Variants in CNTNAP2 observed in about 807,000 individuals in gnomAD.
The protein encoded by CNTNAP2 is contactin-associated protein-like 2.
Under a neutral mutation model 155.2 loss-of-function variants are expected in CNTNAP2, and 98 were observed. That is an observed-to-expected ratio of 0.63 (90% CI 0.54 to 0.75). CNTNAP2 has a LOEUF of 0.75. Ranked by LOEUF, CNTNAP2 falls within the 30% of genes least tolerant of loss-of-function variation. The pLI, the probability that CNTNAP2 is intolerant of heterozygous loss-of-function variation, is 0.00. For missense variants in CNTNAP2, 1,727 were observed against 1,688.1 expected, an observed-to-expected ratio of 1.02 and a Z score of -0.40; for synonymous variants, 651 against 631.2, an observed-to-expected ratio of 1.03 and a Z score of -0.47.
chr7:147,503,278 T>G (rs1798851391), intron 11 of CNTNAP2, among the ~76,000 whole-genome samples: 1 of 152,162 alleles, frequency 6.6e-6, no homozygotes, highest in Non-Finnish European at 1.5e-5. Flanking sequence ...CCCTGGGTGT[T>G]TCTGTCTCTG....
chr7:146,774,845 C>A (rs1027605090), intron 2 of CNTNAP2, among the ~76,000 whole-genome samples: 3 of 152,106 alleles, frequency 2.0e-5, no homozygotes, highest in African/African-American at 7.2e-5. Flanking sequence ...CAGAATGTAG[C>A]TCTATTATAA....
At chr7:146,939,503 G>A (rs1008205004) in intron 3 of CNTNAP2, among the ~76,000 whole-genome samples, 1 of 152,064 alleles carries the variant, frequency 6.6e-6, no homozygotes, top group African/African-American at 2.4e-5. Flanking sequence ...AAAATAAATG[G>A]TTTGAAATAA....
intron 1 of CNTNAP2, among the ~76,000 whole-genome samples, chr7:146,165,237 G>A (rs558856570): frequency 5.2e-4 from 79 of 152,034 alleles, no homozygotes; most frequent in African/African-American, 1.9e-3. Context: ...CAGAAGGCAC[G>A]CTTTTAAAAT....
intron 6 of CNTNAP2, among the ~76,000 whole-genome samples, chr7:147,128,204 A>G (rs1801279137): frequency 6.6e-6 from 1 of 152,186 alleles, no homozygotes; most frequent in Non-Finnish European, 1.5e-5. Context: ...ATTTTTGACA[A>G]TAATGGTCAT....
rs71183016 is a variant in CNTNAP2 at position 147,560,168 on chromosome 7, C to CAAAAAAAAA, written c.1778-1955_1778-1947dup. On this transcript the variant is annotated intron_variant, in intron 11 of 23. Transcript: ENST00000361727. ...GGGCAACAAGAACGAAACTCCGTCT[C>CAAAAAAAAA]AAAAAAAAAAAAAAAAAAAAAAATT... is the stretch of plus-strand genomic sequence containing the variant. Among the ~76,000 whole-genome samples, 212 of 52,798 alleles carry CAAAAAAAAA rather than the reference C, an allele frequency of 4.0e-3. 12 individuals carry two copies. The highest frequency in any genetic ancestry group is 0.013 in the African/African-American group (190 of 14,286). The allele number at this position is 52,798 out of a possible 152,430, so 34.6% of individuals were successfully genotyped here. A position where few individuals can be genotyped will look rare whatever the true frequency, so the allele number is the denominator to read the frequency against.
chr7:147,983,441 A>T (rs915826137), intron 15 of CNTNAP2, among the ~76,000 whole-genome samples: 5 of 134,886 alleles, frequency 3.7e-5, no homozygotes, highest in African/African-American at 1.3e-4. Context: ...GACAAAAAAA[A>T]AATAAAAATA....
At chr7:146,291,026 T>C (rs960528655) in intron 1 of CNTNAP2, among the ~76,000 whole-genome samples, 10 of 152,198 alleles carry the variant, frequency 6.6e-5, no homozygotes, top group African/African-American at 2.2e-4. Context: ...AACTACAAAA[T>C]GTTCCATTTC....
intron 17 of CNTNAP2, among the ~76,000 whole-genome samples, chr7:148,171,959 C>A (rs1805802283): frequency 6.6e-6 from 1 of 152,128 alleles, no homozygotes; most frequent in African/African-American, 2.4e-5. Context: ...TATAGGAAAC[C>A]AGATTAGACT....
At chr7:146,146,462 G>A (rs1181500087) in intron 1 of CNTNAP2, among the ~76,000 whole-genome samples, 2 of 151,668 alleles carry the variant, frequency 1.3e-5, no homozygotes, top group Non-Finnish European at 2.9e-5. Context: ...AATAATGTAG[G>A]CCTAATCATT....
At chr7:148,159,856 A>T (rs1253930332) in intron 17 of CNTNAP2, among the ~76,000 whole-genome samples, 1 of 152,118 alleles carries the variant, frequency 6.6e-6, no homozygotes, top group Non-Finnish European at 1.5e-5. Flanking sequence ...GATCTTCTTG[A>T]TTTATTGTTC....
At chr7:146,982,958 A>AG (rs1798047168) in intron 3 of CNTNAP2, among the ~76,000 whole-genome samples, 1 of 152,160 alleles carries the variant, frequency 6.6e-6, no homozygotes, top group Non-Finnish European at 1.5e-5. Context: ...TTGGAAAAAA[A>AG]AGTACAGATT....
intron 1 of CNTNAP2, among the ~76,000 whole-genome samples, chr7:146,296,273 C>T (rs1335207802): frequency 6.6e-6 from 1 of 152,084 alleles, no homozygotes; most frequent in East Asian, 1.9e-4. Context: ...ATGACCTCAC[C>T]CTGCACTCTT....
At chr7:147,380,551 C>T (rs190151028) in intron 9 of CNTNAP2, among the ~76,000 whole-genome samples, 1 of 152,134 alleles carries the variant, frequency 6.6e-6, no homozygotes, top group Admixed American at 6.6e-5. Flanking sequence ...TTAGGCCAAG[C>T]ACACTCCTAA....
intron 1 of CNTNAP2, among the ~76,000 whole-genome samples, chr7:146,310,010 G>A (rs780161418): frequency 4.3e-4 from 66 of 152,140 alleles, no homozygotes; most frequent in Admixed American, 7.2e-4. Flanking sequence ...ATATGTTATT[G>A]TGTAATGACT....
At chr7:147,988,467 A>T (rs959251989) in intron 15 of CNTNAP2, among the ~76,000 whole-genome samples, 1 of 152,168 alleles carries the variant, frequency 6.6e-6, no homozygotes, top group Non-Finnish European at 1.5e-5. Flanking sequence ...TTGTCTCATA[A>T]TGTTATATGA....
At chr7:148,039,232 A>G (rs2710145) in intron 15 of CNTNAP2, among the ~76,000 whole-genome samples, 54,318 of 151,998 alleles carry the variant, frequency 0.36, 10,434 homozygotes, top group East Asian at 0.75. Flanking sequence ...ATGCAAGTTC[A>G]AGTCCAAAGG....
intron 3 of CNTNAP2, among the ~76,000 whole-genome samples, chr7:146,988,046 CT>C (rs1798144922): frequency 1.3e-5 from 2 of 152,000 alleles, no homozygotes; most frequent in African/African-American, 4.8e-5. Context: ...CTCTTACTTT[CT>C]GAAATTCTAT....
intron 8 of CNTNAP2, among the ~76,000 whole-genome samples, chr7:147,229,855 C>T (rs945601623): frequency 3.3e-5 from 5 of 151,980 alleles, no homozygotes; most frequent in African/African-American, 7.2e-5. Flanking sequence ...AAGAAAATAA[C>T]GGGACATCTA....
chr7:147,832,723 T>C (rs1490134022), intron 13 of CNTNAP2, among the ~76,000 whole-genome samples: 1 of 147,066 alleles, frequency 6.8e-6, no homozygotes, highest in Non-Finnish European at 1.5e-5. Flanking sequence ...TTTTTATATT[T>C]TTAAATAAAT....
Sources: gnomAD v4.1 joint callset for allele counts (sites outside exome capture counted in the v4.1 genomes callset) on GRCh38, gnomAD v4.1.1 for gene constraint, MANE v1.5 for transcripts, NCBI Gene and HGNC (gene_info 2026-07-23, HGNC 2026-07-21) for gene names.